DNAJC17: variants seen among roughly 807,000 people sequenced by gnomAD.
DNAJC17 encodes dnaJ homolog subfamily C member 17.
A neutral mutation model predicts 48.1 loss-of-function variants in DNAJC17; 35 were observed. The ratio of observed to expected loss-of-function variants is 0.73; its 90% CI spans 0.56 to 0.96. The LOEUF is 0.96. Ranked by LOEUF, DNAJC17 falls within the 50% of genes least tolerant of loss-of-function variation. DNAJC17 has a pLI of 0.00. For missense variants in DNAJC17, 355 were observed against 377.1 expected, an observed-to-expected ratio of 0.94 and a Z score of 0.48; for synonymous variants, 117 against 142.7, an observed-to-expected ratio of 0.82 and a Z score of 1.28.
intron 1 of DNAJC17, among the ~76,000 whole-genome samples, chr15:40,799,580 C>T (rs1890026133): frequency 6.6e-6 from 1 of 152,034 alleles, no homozygotes; most frequent in Non-Finnish European, 1.5e-5. Flanking sequence ...TGTAAAGGCC[C>T]CCGGTTGAGA....
At chr15:40,784,908 G>A (rs1295160000) in intron 1 of DNAJC17, among the ~76,000 whole-genome samples, 1 of 152,104 alleles carries the variant, frequency 6.6e-6, no homozygotes, top group Non-Finnish European at 1.5e-5. Context: ...GACCAGCTTG[G>A]CCAACATGGT....
chr15:40,802,127 C>T (rs1890091443), intron 1 of DNAJC17, among the ~76,000 whole-genome samples: 1 of 150,412 alleles, frequency 6.6e-6, no homozygotes, highest in Admixed American at 6.6e-5. Context: ...TGGGGAAATC[C>T]AAGGAAGGAG....
At chr15:40,806,463 C>T (rs1437937653) in intron 1 of DNAJC17, among the ~76,000 whole-genome samples, 1 of 151,890 alleles carries the variant, frequency 6.6e-6, no homozygotes, top group African/African-American at 2.4e-5. Flanking sequence ...ATGATCCGCC[C>T]GCCTCGGCCT....
chr15:40,775,592 C>G lies in DNAJC17; in HGVS notation c.483G>C (p.Lys161Asn). ...TTCCTTGGCCTTCAGTATTTTCTGCCTTTCCTAGAAATATTGGGAAAAGAA... is the reference window on the plus strand; with the variant it reads ...TTCCTTGGCCTTCAGTATTTTCTGCGTTTCCTAGAAATATTGGGAAAAGAA... ...RQERDQRLRG[K>N]AENTEGQGTP... Residue 161 changes from lysine to asparagine, a missense_variant, in exon 7 of 11, where the codon AAG becomes AAC. Around this residue, in one of 3 missense-constraint regions of DNAJC17, gnomAD observed 199 missense variants for 199.9 expected, o/e 1.00. Coordinates refer to ENST00000220496, the MANE Select transcript of DNAJC17 (RefSeq NM_018163.3). The G allele has an allele frequency of 6.2e-7, 1 of 1,614,038 alleles. No individual in the cohort carries two copies. The highest frequency in any genetic ancestry group is 8.5e-7 in the Non-Finnish European group (1 of 1,179,984).
chr15:40,793,003 T>C (rs1465196691), intron 1 of DNAJC17, among the ~76,000 whole-genome samples: 3 of 151,494 alleles, frequency 2.0e-5, no homozygotes, highest in East Asian at 1.9e-4. Flanking sequence ...CGCCATTCTC[T>C]TGCCTCAGCC....
intron 1 of DNAJC17, among the ~76,000 whole-genome samples, chr15:40,782,124 T>C (rs1889517286): frequency 6.6e-6 from 1 of 152,002 alleles, no homozygotes; most frequent in Non-Finnish European, 1.5e-5. Flanking sequence ...CTCAGGAGGC[T>C]GAGGTGGGAG....
At chr15:40,779,167 T>C in intron 4 of DNAJC17, 56 bp downstream of exon 4, 4 of 1,529,870 alleles carry the variant, frequency 2.6e-6, no homozygotes, top group Non-Finnish European at 3.6e-6. Context: ...GTGAGGGAGA[T>C]GAATGAAAAT....
At chr15:40,773,984 C>G (rs942558787) in intron 9 of DNAJC17, 147 bp from the exon 10 acceptor site, 1 of 732,660 alleles carries the variant, frequency 1.4e-6, no homozygotes, top group African/African-American at 1.8e-5. Context: ...TGGGTGTTAA[C>G]GCTTTGGCCT....
chr15:40,775,599 A>G lies in DNAJC17; in HGVS notation c.479-3T>C. The G allele has an allele frequency of 6.2e-7, 1 of 1,613,938 alleles. No homozygotes were observed. Among genetic ancestry groups the G allele is most frequent in the South Asian group, 1.1e-5 (1 of 91,082 alleles). ...GCCTTCAGTATTTTCTGCCTTTCCT[A>G]GAAATATTGGGAAAAGAAGAAAAGT... On this transcript the variant is annotated splice_region_variant and splice_polypyrimidine_tract_variant and intron_variant, in intron 6 of 10. Coordinates refer to ENST00000220496, the MANE Select transcript of DNAJC17 (RefSeq NM_018163.3).
rs543680488 is a variant in DNAJC17, at chr15:40,791,901, G to A, written c.79-11904C>T. Among the ~76,000 whole-genome samples the A allele has an allele frequency of 2.0e-5, 3 of 152,260 alleles. No homozygotes were observed. In the South Asian group the frequency reaches 6.2e-4, roughly 32 times the overall value. ...CTCAGTACCCAACCTCAAGGCCTCA[G>A]CACCTGGTCTAGATATAAGAGGTTC... is the stretch of plus-strand genomic sequence containing the variant. On this transcript the variant is annotated intron_variant, in intron 1 of 10. Coordinates refer to ENST00000220496, the MANE Select transcript of DNAJC17 (RefSeq NM_018163.3).
intron 1 of DNAJC17, among the ~76,000 whole-genome samples, chr15:40,796,407 G>C (rs565946572): frequency 3.9e-4 from 60 of 152,288 alleles, no homozygotes; most frequent in Middle Eastern, 3.4e-3. Flanking sequence ...TCTCTGAGCA[G>C]ATGATATTTG....
At chr15:40,777,416 G>A (rs1287573959) in intron 4 of DNAJC17, among the ~76,000 whole-genome samples, 1 of 151,794 alleles carries the variant, frequency 6.6e-6, no homozygotes, top group Non-Finnish European at 1.5e-5. Context: ...GGAGAAACTT[G>A]AGTAAAGAAT....
rs1889115213 is a variant in DNAJC17, at chr15:40,770,814, T to G, written c.793-2752A>C. 1.3e-6 allele frequency: 2 copies of G among 1,550,576 alleles called. No individual in the cohort carries two copies. Among genetic ancestry groups the G allele is most frequent in the Non-Finnish European group, 1.7e-6 (2 of 1,146,958 alleles). ...CCCACCTGCCTACACAGCAGCCTAC[T>G]CTGCCACCCTGCCATCGGCGCTCTC... On this transcript the variant is annotated intron_variant, in intron 10 of 10. Coordinates refer to ENST00000220496, the MANE Select transcript of DNAJC17 (RefSeq NM_018163.3). This position sits in a 1 kb window ranked among gnomAD's most constrained non-coding sequence, Gnocchi z 5.0.
intron 4 of DNAJC17, among the ~76,000 whole-genome samples, chr15:40,778,540 C>T (rs1271114869): frequency 2.6e-5 from 4 of 151,006 alleles, no homozygotes; most frequent in Non-Finnish European, 2.9e-5. Flanking sequence ...CGTGAGCCAC[C>T]GCGCCCGGCC....
intron 2 of DNAJC17, 114 bp downstream of exon 2, chr15:40,779,814 A>C: frequency 3.2e-6 from 4 of 1,253,814 alleles, no homozygotes; most frequent in African/African-American, 1.5e-5. Context: ...CATTGCCTGG[A>C]GCCAGGCAAT....
In DNAJC17 at chr15:40,807,402, C is replaced by T. The variant is rs775880641; in HGVS notation, c.45G>A (p.Leu15=). ...KELLQMDLYA[L]LGIEEKAADK... is the part of the protein sequence containing the mutation. ...CCGCTGCCTTCTCCTCAATGCCTAGCAGCGCGTACAGGTCCATCTGTAAGA... is the reference window on the plus strand; with the variant it reads ...CCGCTGCCTTCTCCTCAATGCCTAGTAGCGCGTACAGGTCCATCTGTAAGA... Residue 15 remains leucine (L), a synonymous_variant, in exon 1 of 11, where the codon CTG becomes CTA. Transcript: ENST00000220496. 46 of 1,614,278 alleles carry T rather than the reference C, an allele frequency of 2.8e-5. No homozygotes were observed. The Middle Eastern group carries it at 1.2e-3, about 41-fold the overall frequency.
At chr15:40,789,967 A>G (rs1437674966) in intron 1 of DNAJC17, among the ~76,000 whole-genome samples, 4 of 151,784 alleles carry the variant, frequency 2.6e-5, no homozygotes, top group Non-Finnish European at 5.9e-5. Flanking sequence ...AGTGAAAATA[A>G]CTAAATAACA....
chr15:40,790,988 T>C (rs1187719304), intron 1 of DNAJC17, among the ~76,000 whole-genome samples: 2 of 152,006 alleles, frequency 1.3e-5, no homozygotes, highest in Non-Finnish European at 1.5e-5. Flanking sequence ...AGGCCCTTGG[T>C]GAAGAACAAC....
rs977421446 is a variant in DNAJC17, at chr15:40,767,202, C to CG, written c.*737_*738insC. ...GAGCTTGCTGTGTGCCCCTCCTCAC[C>CG]CCCCCCATCCTGTCTCTTTGCAGTT... On this transcript the variant is annotated 3_prime_UTR_variant, in exon 11 of 11. Transcript: ENST00000220496. The CG allele has an allele frequency of 3.4e-6, 5 of 1,470,328 alleles. No individual in the cohort carries two copies. Among genetic ancestry groups the CG allele is most frequent in the African/African-American group, 2.9e-5 (2 of 68,476 alleles). 91.1% of individuals were successfully genotyped at this position (1,470,328 alleles called of 1,614,324 possible). A position where few individuals can be genotyped will look rare whatever the true frequency, so the allele number is the denominator to read the frequency against.
Sources: gnomAD v4.1 joint callset for allele counts (sites outside exome capture counted in the v4.1 genomes callset) on GRCh38, gnomAD v4.1.1 for gene constraint, gnomAD v4.1.1 regional missense constraint, Gnocchi (gnomAD v3.1) non-coding constraint, MANE v1.5 for transcripts, NCBI Gene and HGNC (gene_info 2026-07-23, HGNC 2026-07-21) for gene names.